SKIC2: variants seen among roughly 807,000 people sequenced by gnomAD.
SKIC2 encodes the protein SKI2 subunit of superkiller complex, also known as superkiller complex protein 2.
the SKIC2 span, chr6:31,959,462 C>A: frequency 8.9e-7 from 1 of 1,129,500 alleles, no homozygotes; most frequent in Non-Finnish European, 1.3e-6. Flanking sequence ...TCACCCTCCT[C>A]ACAGTAGGAT....
the SKIC2 span, chr6:31,962,193 C>A: frequency 2.1e-6 from 2 of 973,082 alleles, no homozygotes; most frequent in South Asian, 1.6e-5. This position sits in a 1 kb window ranked among gnomAD's most constrained non-coding sequence, Gnocchi z 5.0. Flanking sequence ...GAGACAAGAG[C>A]CCAGAGAGAA....
the SKIC2 span, chr6:31,969,107 T>C: frequency 4.4e-6 from 7 of 1,603,136 alleles, no homozygotes; most frequent in Non-Finnish European, 5.1e-6. This position sits in a 1 kb window ranked among gnomAD's most constrained non-coding sequence, Gnocchi z 6.1. Context: ...ACACCACCCC[T>C]TTCTCCCTGC....
At chr6:31,964,950 T>G in the SKIC2 span, among the ~76,000 whole-genome samples, 1 of 152,102 alleles carries the variant, frequency 6.6e-6, no homozygotes, top group East Asian at 1.9e-4. This position sits in a 1 kb window ranked among gnomAD's most constrained non-coding sequence, Gnocchi z 5.0. Flanking sequence ...AAACCCTGTC[T>G]CTACTAAAAA....
chr6:31,961,733 C>A, the SKIC2 span: 1 of 1,583,620 alleles, frequency 6.3e-7, no homozygotes, highest in Non-Finnish European at 8.6e-7. Context: ...CACTCCCAGC[C>A]GACCCCTTGT....
chr6:31,966,264 T>C, the SKIC2 span, among the ~76,000 whole-genome samples: 1 of 133,036 alleles, frequency 7.5e-6, no homozygotes, highest in Non-Finnish European at 1.7e-5. The surrounding 1 kb of genome is among the most constrained non-coding windows in gnomAD (Gnocchi z 5.9). Flanking sequence ...GCCTGGCTAA[T>C]TTTTTTTTTT....
the SKIC2 span, chr6:31,967,880 G>A: frequency 6.2e-7 from 1 of 1,612,952 alleles, no homozygotes; most frequent in South Asian, 1.1e-5. The surrounding 1 kb of genome is among the most constrained non-coding windows in gnomAD (Gnocchi z 4.9). Context: ...TGTGGCAGAT[G>A]TCTGTTTTCT....
chr6:31,960,880 A>G, the SKIC2 span: 1 of 882,176 alleles, frequency 1.1e-6, no homozygotes, highest in Non-Finnish European at 1.8e-6. Context: ...TCTGCTGGGA[A>G]ATTTCTACAA....
chr6:31,961,613 C>G, the SKIC2 span: 1 of 1,613,054 alleles, frequency 6.2e-7, no homozygotes, highest in Non-Finnish European at 8.5e-7. Flanking sequence ...GTGGGCCATC[C>G]CTGTGGACGC....
At chr6:31,967,933 G>GC in the SKIC2 span, 1 of 1,613,080 alleles carries the variant, frequency 6.2e-7, no homozygotes. This position sits in a 1 kb window ranked among gnomAD's most constrained non-coding sequence, Gnocchi z 4.9. Flanking sequence ...GGCAATGTCT[G>GC]CCCTGCTCTC....
chr6:31,959,803 C>A, the SKIC2 span: 1 of 577,404 alleles, frequency 1.7e-6, no homozygotes, highest in Non-Finnish European at 3.1e-6. Flanking sequence ...TTTAAAAATG[C>A]ACATTCCTAG....
chr6:31,963,950 G>A, the SKIC2 span: 131 of 1,611,588 alleles, frequency 8.1e-5, no homozygotes, highest in Admixed American at 1.8e-4. This position sits in a 1 kb window ranked among gnomAD's most constrained non-coding sequence, Gnocchi z 5.3. Flanking sequence ...GCCTCCCTCC[G>A]CACACGTGCC....
At chr6:31,963,011 TATC>T in the SKIC2 span, 1 of 1,612,576 alleles carries the variant, frequency 6.2e-7, no homozygotes, top group Non-Finnish European at 8.5e-7. This position sits in a 1 kb window ranked among gnomAD's most constrained non-coding sequence, Gnocchi z 5.3. Flanking sequence ...AGGAGGTGCT[TATC>T]ATGCTACCTG....
chr6:31,968,835 C>T, the SKIC2 span: 3 of 1,609,190 alleles, frequency 1.9e-6, no homozygotes, highest in Non-Finnish European at 2.5e-6. This position sits in a 1 kb window ranked among gnomAD's most constrained non-coding sequence, Gnocchi z 6.1. Context: ...GGCTAGGGGA[C>T]AGCAGTGTGT....
chr6:31,960,469 C>T, the SKIC2 span: 33 of 1,614,054 alleles, frequency 2.0e-5, no homozygotes, highest in Non-Finnish European at 2.8e-5. Context: ...GCTACAACCT[C>T]CTTGTCTCTT....
the SKIC2 span, chr6:31,968,114 A>AGAGGGGCACGTAGAGGCAGG: frequency 6.2e-7 from 1 of 1,611,844 alleles, no homozygotes; most frequent in Non-Finnish European, 8.5e-7. This position sits in a 1 kb window ranked among gnomAD's most constrained non-coding sequence, Gnocchi z 6.1. Flanking sequence ...CTTCTCCTCC[A>AGAGGGGCACGTAGAGGCAGG]GAGGGGCACG....
At chr6:31,962,135 C>T in the SKIC2 span, 1 of 1,412,792 alleles carries the variant, frequency 7.1e-7, no homozygotes, top group Non-Finnish European at 1.0e-6. This position sits in a 1 kb window ranked among gnomAD's most constrained non-coding sequence, Gnocchi z 5.0. Context: ...CATCTCTTCC[C>T]CCACCTCTCT....
chr6:31,960,212 C>A, the SKIC2 span: 2 of 1,612,236 alleles, frequency 1.2e-6, no homozygotes, highest in Non-Finnish European at 1.7e-6. Flanking sequence ...TACTATTTTT[C>A]TCTCCAGAAA....
At chr6:31,960,968 T>G in the SKIC2 span, 1 of 1,155,286 alleles carries the variant, frequency 8.7e-7, no homozygotes, top group East Asian at 2.3e-5. Context: ...AAATGGTATC[T>G]TTTAGGTTTA....
chr6:31,968,741 T>C, the SKIC2 span: 1 of 1,612,878 alleles, frequency 6.2e-7, no homozygotes. The surrounding 1 kb of genome is among the most constrained non-coding windows in gnomAD (Gnocchi z 6.1). Context: ...CGGCTGCGCT[T>C]CCTACTGTCG....
Sources: allele counts gnomAD v4.1 joint callset (sites outside exome capture counted in the v4.1 genomes callset), GRCh38; gene constraint gnomAD v4.1.1; non-coding constraint Gnocchi (gnomAD v3.1); transcripts MANE v1.5; gene names NCBI Gene and HGNC (gene_info 2026-07-23, HGNC 2026-07-21).